The following FIG4 variants were observed in gnomAD, a reference collection of about 807,000 sequenced individuals.
The protein encoded by FIG4 is FIG4 phosphoinositide 5-phosphatase.
Under a neutral mutation model 118.6 loss-of-function variants are expected in FIG4, and 112 were observed. That is an observed-to-expected ratio of 0.94 (90% CI 0.81 to 1.11). The LOEUF is 1.11. FIG4 is among the 50% of genes least tolerant of loss of function. The pLI is 0.00. For synonymous variants in FIG4, 369 were observed against 381.2 expected, an observed-to-expected ratio of 0.97 and a Z score of 0.37; for missense variants, 969 against 1,111.7, an observed-to-expected ratio of 0.87 and a Z score of 1.83.
chr6:109,789,539 A>G (rs1583737978), intron 18 of FIG4, 55 bp from the exon 19 acceptor site: 1 of 1,264,568 alleles, frequency 7.9e-7, no homozygotes, highest in Non-Finnish European at 1.2e-6. Flanking sequence ...ATGGAAGCCA[A>G]TATCATCTGG....
At chr6:109,759,270 A>G (rs1777023022) in intron 10 of FIG4, among the ~76,000 whole-genome samples, 1 of 152,230 alleles carries the variant, frequency 6.6e-6, no homozygotes, top group African/African-American at 2.4e-5. Context: ...GCAGCCATAA[A>G]AAAGGATGAG....
intron 22 of FIG4, among the ~76,000 whole-genome samples, chr6:109,821,342 C>G (rs1388397172): frequency 6.6e-6 from 1 of 152,194 alleles, no homozygotes; most frequent in Admixed American, 6.5e-5. Flanking sequence ...CTTCTTACAG[C>G]TCTGCAAAAC....
intron 9 of FIG4, 82 bp downstream of exon 9, chr6:109,743,354 TGC>T: frequency 2.1e-6 from 3 of 1,406,204 alleles, no homozygotes; most frequent in Non-Finnish European, 3.0e-6. Flanking sequence ...ATCTCATAAA[TGC>T]TTAGGTTTTC....
At chr6:109,698,990 C>A (rs1037368017) in intron 1 of FIG4, among the ~76,000 whole-genome samples, 16 of 152,246 alleles carry the variant, frequency 1.1e-4, no homozygotes, top group Middle Eastern at 3.4e-3. Flanking sequence ...ACTCTAGCTT[C>A]ATAAAATGAG....
intron 13 of FIG4, among the ~76,000 whole-genome samples, chr6:109,764,520 T>C (rs1562670496): frequency 6.6e-6 from 1 of 151,860 alleles, no homozygotes; most frequent in East Asian, 1.9e-4. Flanking sequence ...ATGTTATTAC[T>C]GGAAATAGAA....
chr6:109,753,502 G>T (rs1039258096), intron 10 of FIG4, among the ~76,000 whole-genome samples: 1 of 151,970 alleles, frequency 6.6e-6, no homozygotes, highest in Non-Finnish European at 1.5e-5. Context: ...AGCTTGATGG[G>T]GATGGCATTG....
At chr6:109,753,242 G>T (rs1776768986) in intron 10 of FIG4, among the ~76,000 whole-genome samples, 1 of 152,086 alleles carries the variant, frequency 6.6e-6, no homozygotes, top group South Asian at 2.1e-4. Context: ...GTTCAGGGTG[G>T]TATGGCCGTA....
chr6:109,792,166 A>C (rs185524825), intron 20 of FIG4, among the ~76,000 whole-genome samples: 16 of 152,362 alleles, frequency 1.1e-4, no homozygotes, highest in Admixed American at 8.5e-4. Flanking sequence ...CTTTTTTTGT[A>C]AATAAAATTA....
At chr6:109,754,406 T>G (rs1776813399) in intron 10 of FIG4, among the ~76,000 whole-genome samples, 1 of 152,194 alleles carries the variant, frequency 6.6e-6, no homozygotes, top group Non-Finnish European at 1.5e-5. Context: ...ATTCTCTTTT[T>G]TGGTTGTGTC....
chr6:109,762,100 T>TA lies in FIG4; in HGVS notation c.1283dup (p.Asn428LysfsTer4). 1 of 1,605,336 alleles carries TA rather than the reference T, an allele frequency of 6.2e-7. No homozygotes were observed. Among genetic ancestry groups the TA allele is most frequent in the Non-Finnish European group, 8.5e-7 (1 of 1,172,010 alleles). On this transcript the variant is annotated frameshift_variant, in exon 12 of 23. Coordinates refer to ENST00000230124, the MANE Select transcript of FIG4 (RefSeq NM_014845.6). LOFTEE classifies it high-confidence loss of function. ...TTCCTTCTCTCCTCAGCAAGCTGTGTAATGTTCTTGATCGACTAAATGTGA... is the reference window on the plus strand; with the variant it reads ...TTCCTTCTCTCCTCAGCAAGCTGTGTAAATGTTCTTGATCGACTAAATGTGA...
chr6:109,749,950 A>G (rs1288235967), intron 10 of FIG4, among the ~76,000 whole-genome samples: 1 of 152,204 alleles, frequency 6.6e-6, no homozygotes, highest in Non-Finnish European at 1.5e-5. Flanking sequence ...TTTGTTGTTT[A>G]TAGCACTAGT....
At chr6:109,778,314 A>G (rs1352829210) in intron 16 of FIG4, among the ~76,000 whole-genome samples, 1 of 148,584 alleles carries the variant, frequency 6.7e-6, no homozygotes. Flanking sequence ...AAAAAAAAAT[A>G]CAAAAAATAG....
chr6:109,813,783 T>G (rs574430443), intron 22 of FIG4, among the ~76,000 whole-genome samples: 4 of 152,290 alleles, frequency 2.6e-5, no homozygotes, highest in African/African-American at 9.6e-5. Flanking sequence ...GAAACTAGCT[T>G]CCATGTTGTG....
At chr6:109,778,365 G>C (rs944417168) in intron 16 of FIG4, among the ~76,000 whole-genome samples, 5 of 151,442 alleles carry the variant, frequency 3.3e-5, no homozygotes, top group African/African-American at 1.2e-4. Context: ...AGCTACTCGG[G>C]AGTCTGAGGC....
At chr6:109,702,312 A>G (rs1486140428) in intron 1 of FIG4, among the ~76,000 whole-genome samples, 4 of 152,194 alleles carry the variant, frequency 2.6e-5, no homozygotes, top group Non-Finnish European at 5.9e-5. Flanking sequence ...TGGATTTCAC[A>G]TATATATTTT....
chr6:109,753,971 A>G (rs1030940861), intron 10 of FIG4, among the ~76,000 whole-genome samples: 5 of 152,140 alleles, frequency 3.3e-5, no homozygotes, highest in African/African-American at 1.2e-4. Context: ...AACTTCCAAC[A>G]CTATGTTGAA....
intron 10 of FIG4, among the ~76,000 whole-genome samples, chr6:109,756,076 G>A (rs1379570992): frequency 7.2e-5 from 11 of 152,244 alleles, no homozygotes; most frequent in Middle Eastern, 3.4e-3. Flanking sequence ...GGCTGGTGCC[G>A]GTTGTTCCTT....
At chr6:109,800,774 G>A (rs980911835) in intron 22 of FIG4, among the ~76,000 whole-genome samples, 3 of 152,012 alleles carry the variant, frequency 2.0e-5, no homozygotes, top group Non-Finnish European at 4.4e-5. Flanking sequence ...TCTCTATTGT[G>A]TTTTTTCCTT....
chr6:109,807,673 G>A (rs554667791), intron 22 of FIG4, among the ~76,000 whole-genome samples: 1 of 152,262 alleles, frequency 6.6e-6, no homozygotes, highest in African/African-American at 2.4e-5. Context: ...TAGTCCTGAA[G>A]TGTTTGCCCA....
Sources: allele counts gnomAD v4.1 joint callset (sites outside exome capture counted in the v4.1 genomes callset), GRCh38; gene constraint gnomAD v4.1.1; transcripts MANE v1.5; gene names NCBI Gene and HGNC (gene_info 2026-07-23, HGNC 2026-07-21).